KIAA1217: variants seen among roughly 807,000 people sequenced by gnomAD.
The protein encoded by KIAA1217 is KIAA1217.
KIAA1217 carries 88 observed loss-of-function variants against 163.9 expected under a neutral mutation model. That is an observed-to-expected ratio of 0.54 (90% CI 0.45 to 0.64). KIAA1217 has a LOEUF of 0.64. KIAA1217 is among the 30% of genes least tolerant of loss of function. The probability of loss-of-function intolerance (pLI) is 0.00; values close to 1 mark genes in which losing one functional copy is unlikely to be tolerated. For missense variants in KIAA1217, 2,372 were observed against 2,475.0 expected (o/e 0.96, Z 0.88); for synonymous variants, 903 against 923.1 (o/e 0.98, Z 0.39).
chr10:24,212,093 GA>G (rs972405623), intron 1 of KIAA1217, among the ~76,000 whole-genome samples: 45 of 142,016 alleles, frequency 3.2e-4, no homozygotes, highest in African/African-American at 1.1e-3. Flanking sequence ...AAAGAAAAAA[GA>G]AAAAAAAAGA....
intron 1 of KIAA1217, among the ~76,000 whole-genome samples, chr10:23,914,768 T>C (rs569365986): frequency 7.2e-5 from 11 of 152,182 alleles, no homozygotes; most frequent in Non-Finnish European, 1.3e-4. Context: ...CTTAGGTCCA[T>C]GGCAATTCTC....
intron 1 of KIAA1217, among the ~76,000 whole-genome samples, chr10:23,958,880 C>T (rs1480063776): frequency 6.6e-6 from 1 of 150,908 alleles, no homozygotes; most frequent in Non-Finnish European, 1.5e-5. Flanking sequence ...TCTTCCTGAG[C>T]TGTTTCATGC....
chr10:24,323,518 T>C (rs2044444493), intron 2 of KIAA1217, among the ~76,000 whole-genome samples: 1 of 152,204 alleles, frequency 6.6e-6, no homozygotes, highest in Non-Finnish European at 1.5e-5. Context: ...TCCCTACTCA[T>C]GCTCTTTATT....
At chr10:24,053,084 AT>A (rs1160518323) in intron 2 of KIAA1217, among the ~76,000 whole-genome samples, 20 of 152,192 alleles carry the variant, frequency 1.3e-4, no homozygotes, top group Admixed American at 1.3e-3. Flanking sequence ...GTCTGCCTGC[AT>A]GGTTTTCTCC....
At chr10:23,866,012 C>T (rs1049724623) in intron 1 of KIAA1217, among the ~76,000 whole-genome samples, 4 of 152,146 alleles carry the variant, frequency 2.6e-5, no homozygotes, top group Non-Finnish European at 2.9e-5. Flanking sequence ...TCCTCAGCTT[C>T]GAACATACAT....
At chr10:24,349,281 A>G (rs2048177682) in intron 2 of KIAA1217, among the ~76,000 whole-genome samples, 1 of 152,238 alleles carries the variant, frequency 6.6e-6, no homozygotes, top group Non-Finnish European at 1.5e-5. Flanking sequence ...AGAAAAAACC[A>G]TGACTACCAG....
intron 2 of KIAA1217, among the ~76,000 whole-genome samples, chr10:24,078,256 G>A (rs1022177342): frequency 6.6e-6 from 1 of 152,316 alleles, no homozygotes; most frequent in South Asian, 2.1e-4. Flanking sequence ...TTCACCCAGT[G>A]ATTTGAACTG....
intron 8 of KIAA1217, among the ~76,000 whole-genome samples, chr10:24,496,447 AG>A (rs1244073374): frequency 2.0e-5 from 3 of 152,248 alleles, no homozygotes; most frequent in African/African-American, 7.2e-5. Flanking sequence ...AAATACTAAA[AG>A]CTCCCATCCT....
At chr10:24,178,697 C>G (rs1275128269) in intron 2 of KIAA1217, among the ~76,000 whole-genome samples, 1 of 152,172 alleles carries the variant, frequency 6.6e-6, no homozygotes, top group East Asian at 1.9e-4. Context: ...GTTCCATTTC[C>G]TTTGAAGTTT....
chr10:24,302,424 A>G lies in KIAA1217; in HGVS notation c.355-78445A>G, dbSNP rs542565599. 1.2e-3 allele frequency among the ~76,000 whole-genome samples: 190 copies of G among 152,320 alleles called. 1 individual carries two copies. Among genetic ancestry groups the G allele is most frequent in the African/African-American group, 3.9e-3 (161 of 41,572 alleles). On this transcript the variant is annotated intron_variant, in intron 2 of 20. Coordinates refer to ENST00000376454, the MANE Select transcript of KIAA1217 (RefSeq NM_019590.5). ...AGGTTAAGTTATTGCTGTCAGGTGC[A>G]TCTCTATACACTTCCTAATGTGTTG...
At chr10:23,863,513 G>A (rs185252998) in intron 1 of KIAA1217, among the ~76,000 whole-genome samples, 11 of 152,260 alleles carry the variant, frequency 7.2e-5, no homozygotes, top group Non-Finnish European at 1.2e-4. Flanking sequence ...TGAGGATACG[G>A]TTCATCGTCT....
intron 1 of KIAA1217, among the ~76,000 whole-genome samples, chr10:23,936,839 T>C (rs1170116482): frequency 6.6e-6 from 1 of 152,152 alleles, no homozygotes; most frequent in Non-Finnish European, 1.5e-5. Context: ...AAAGCACTCA[T>C]GTTGTTTAGG....
intron 1 of KIAA1217, among the ~76,000 whole-genome samples, chr10:23,786,413 T>C (rs1219013259): frequency 1.3e-5 from 2 of 152,038 alleles, no homozygotes; most frequent in Non-Finnish European, 2.9e-5. Context: ...GTCATGCCTC[T>C]ATGACAACAA....
At chr10:24,377,926 A>T (rs1201267733) in intron 2 of KIAA1217, among the ~76,000 whole-genome samples, 1 of 152,132 alleles carries the variant, frequency 6.6e-6, no homozygotes, top group East Asian at 1.9e-4. Flanking sequence ...GAATTAATTG[A>T]AGGAATTCAT....
intron 2 of KIAA1217, among the ~76,000 whole-genome samples, chr10:24,193,948 A>AC (rs1446773791): frequency 3.1e-4 from 24 of 76,302 alleles, no homozygotes; most frequent in African/African-American, 1.0e-3. Context: ...AGCACTTTGG[A>AC]AGTCTAGGTG....
intron 1 of KIAA1217, among the ~76,000 whole-genome samples, chr10:23,936,810 A>G (rs1589110971): frequency 6.6e-6 from 1 of 152,230 alleles, no homozygotes; most frequent in Non-Finnish European, 1.5e-5. Flanking sequence ...TGGCAGCCCC[A>G]GGAAACTAAT....
intron 1 of KIAA1217, among the ~76,000 whole-genome samples, chr10:23,818,008 T>G (rs12259716): frequency 3.4e-5 from 3 of 87,264 alleles, no homozygotes; most frequent in Non-Finnish European, 6.4e-5. Flanking sequence ...TATATATATA[T>G]ACACACATAT....
chr10:24,260,565 C>T (rs1055421029), intron 2 of KIAA1217, among the ~76,000 whole-genome samples: 1 of 123,280 alleles, frequency 8.1e-6, no homozygotes, highest in African/African-American at 3.2e-5. Context: ...TCCTGGGCAA[C>T]TTTGTGAGAC....
chr10:24,351,498 C>T (rs1013781800), intron 2 of KIAA1217, among the ~76,000 whole-genome samples: 1 of 152,120 alleles, frequency 6.6e-6, no homozygotes, highest in African/African-American at 2.4e-5. Flanking sequence ...AATCCTGCTA[C>T]CCACTGTGCA....
Sources: gnomAD v4.1 joint callset for allele counts (sites outside exome capture counted in the v4.1 genomes callset) on GRCh38, gnomAD v4.1.1 for gene constraint, MANE v1.5 for transcripts, NCBI Gene and HGNC (gene_info 2026-07-23, HGNC 2026-07-21) for gene names.